Variants in BANK1 observed in about 807,000 individuals in gnomAD.
The protein encoded by BANK1 is B-cell scaffold protein with ankyrin repeats.
In BANK1, 95 loss-of-function variants were observed where a neutral mutation model predicts 94.5. The observed-to-expected ratio is 1.00, with a 90% CI of 0.85 to 1.19. The LOEUF is 1.19. BANK1 is among the 50% of genes most tolerant of loss of function. BANK1 has a pLI of 0.00. For missense variants in BANK1, 987 were observed against 932.2 expected (o/e 1.06, Z -0.77); for synonymous variants, 334 against 308.4 (o/e 1.08, Z -0.87).
intron 7 of BANK1, among the ~76,000 whole-genome samples, chr4:102,000,839 G>A (rs1019204515): frequency 6.6e-6 from 1 of 152,162 alleles, no homozygotes; most frequent in Non-Finnish European, 1.5e-5. Context: ...CAAATCGATT[G>A]GACTATAGGA....
In BANK1 at chr4:101,973,940, A is replaced by T. The variant is rs1352173; in HGVS notation, c.1207-47574A>T. Among the ~76,000 whole-genome samples, 714 of 152,178 alleles carry T rather than the reference A, an allele frequency of 4.7e-3. 13 individuals carry two copies. In the East Asian group the frequency reaches 0.057, roughly 12 times the overall value. On this transcript the variant is annotated intron_variant, in intron 7 of 16. Coordinates refer to ENST00000322953, the MANE Select transcript of BANK1 (RefSeq NM_017935.5). ...CAGACCAATGCTCTGTTAAAAAGTGATATTCCAATTATTATTAATCATTTA... is the reference window on the plus strand; with the variant it reads ...CAGACCAATGCTCTGTTAAAAAGTGTTATTCCAATTATTATTAATCATTTA...
intron 11 of BANK1, among the ~76,000 whole-genome samples, chr4:102,044,894 G>A (rs1727827756): frequency 7.9e-6 from 1 of 127,110 alleles, no homozygotes; most frequent in Non-Finnish European, 1.6e-5. Flanking sequence ...TTTTTTTCTT[G>A]TAAATTTGTT....
chr4:101,812,585 G>A lies in BANK1; in HGVS notation c.71-17223G>A, dbSNP rs569175258. Among the ~76,000 whole-genome samples, 9 of 151,910 alleles carry A rather than the reference G, an allele frequency of 5.9e-5. No homozygotes were observed. The South Asian group carries it at 1.5e-3, about 25-fold the overall frequency. On this transcript the variant is annotated intron_variant, in intron 1 of 16. Coordinates refer to ENST00000322953, the MANE Select transcript of BANK1 (RefSeq NM_017935.5). The stretch of plus-strand genomic sequence containing the variant: ...AGACATTTATATGATGTAGAGCTTC[G>A]GTTTTTGATGATACTATTCTATGCA...
chr4:101,905,370 G>A (rs958189988), intron 6 of BANK1, among the ~76,000 whole-genome samples: 2 of 152,198 alleles, frequency 1.3e-5, no homozygotes, highest in Non-Finnish European at 2.9e-5. Flanking sequence ...TTGCACGGGA[G>A]CGAGGGAATG....
At chr4:101,913,880 C>A (rs1345219673) in intron 6 of BANK1, among the ~76,000 whole-genome samples, 1 of 152,170 alleles carries the variant, frequency 6.6e-6, no homozygotes, top group Admixed American at 6.6e-5. Context: ...ATGACATGCT[C>A]CATTTATTTC....
At chr4:101,833,937 T>C (rs1726722527) in intron 2 of BANK1, among the ~76,000 whole-genome samples, 1 of 152,154 alleles carries the variant, frequency 6.6e-6, no homozygotes, top group African/African-American at 2.4e-5. Flanking sequence ...AGTGTTACAA[T>C]AGGAAAATTA....
At chr4:101,908,025 T>A (rs1722520027) in intron 6 of BANK1, among the ~76,000 whole-genome samples, 1 of 152,162 alleles carries the variant, frequency 6.6e-6, no homozygotes, top group Non-Finnish European at 1.5e-5. Context: ...AAGCTACCAA[T>A]GACTTTCTTC....
chr4:101,821,945 G>A (rs938690212), intron 1 of BANK1, among the ~76,000 whole-genome samples: 1 of 152,144 alleles, frequency 6.6e-6, no homozygotes, highest in Non-Finnish European at 1.5e-5. Flanking sequence ...GTAGGCATGG[G>A]AGCCTAGGTG....
In BANK1 at chr4:101,870,578, C is replaced by T; in HGVS notation, c.837C>T (p.Tyr279=). 6.2e-7 allele frequency: 1 copy of T among 1,612,900 alleles called. No homozygotes were observed. The highest frequency in any genetic ancestry group is 8.5e-7 in the Non-Finnish European group (1 of 1,179,262). ...GIVKATTKIK[Y]YPTAKAKECL... is the part of the protein sequence containing the mutation. ...TTAAAGCTACAACCAAAATTAAGTA[C>T]TACCCAACAGCAAAGGCAAAGGAAT... Residue 279 remains tyrosine (Y), a synonymous_variant, in exon 5 of 17, where the codon TAC becomes TAT. Coordinates refer to ENST00000322953, the MANE Select transcript of BANK1 (RefSeq NM_017935.5).
At chr4:102,073,205 C>G (rs1728813110) in intron 15 of BANK1, among the ~76,000 whole-genome samples, 1 of 150,846 alleles carries the variant, frequency 6.6e-6, no homozygotes, top group East Asian at 1.9e-4. Context: ...TCTTCTGTAG[C>G]CCACCACCAA....
intron 11 of BANK1, among the ~76,000 whole-genome samples, chr4:102,051,842 C>T (rs1401766922): frequency 2.0e-5 from 3 of 152,068 alleles, no homozygotes; most frequent in Admixed American, 1.3e-4. Context: ...TAAAGTAAAG[C>T]TCTAAAATGG....
intron 7 of BANK1, among the ~76,000 whole-genome samples, chr4:101,927,494 A>G (rs1406699030): frequency 6.6e-6 from 1 of 151,608 alleles, no homozygotes. Context: ...GGCAAGAAGG[A>G]CAGATAAGAC....
intron 7 of BANK1, among the ~76,000 whole-genome samples, chr4:101,975,920 C>T (rs945832375): frequency 3.3e-5 from 5 of 152,080 alleles, no homozygotes; most frequent in African/African-American, 1.2e-4. Context: ...TTTCTCTGTG[C>T]GAATTTCCGC....
intron 13 of BANK1, among the ~76,000 whole-genome samples, chr4:102,070,865 G>A (rs950438794): frequency 2.6e-5 from 4 of 152,156 alleles, no homozygotes; most frequent in Non-Finnish European, 5.9e-5. Context: ...AAGTTGGTGG[G>A]TACATGGCCA....
At chr4:101,908,725 C>T (rs1450905301) in intron 6 of BANK1, among the ~76,000 whole-genome samples, 1 of 152,124 alleles carries the variant, frequency 6.6e-6, no homozygotes, top group African/African-American at 2.4e-5. Flanking sequence ...AAACAAACAA[C>T]CCCATCAAAA....
intron 5 of BANK1, among the ~76,000 whole-genome samples, chr4:101,879,987 T>A (rs1446332768): frequency 1.3e-5 from 2 of 152,068 alleles, no homozygotes; most frequent in African/African-American, 4.8e-5. Context: ...ACTATCATAC[T>A]GAATGGGTAA....
intron 8 of BANK1, among the ~76,000 whole-genome samples, chr4:102,022,450 T>C (rs1726946335): frequency 6.6e-6 from 1 of 152,138 alleles, no homozygotes; most frequent in Non-Finnish European, 1.5e-5. Context: ...CTCTCCCCTT[T>C]CATTATCCTA....
chr4:101,978,582 A>T (rs73834535), intron 7 of BANK1, among the ~76,000 whole-genome samples: 1 of 152,116 alleles, frequency 6.6e-6, no homozygotes, highest in African/African-American at 2.4e-5. Flanking sequence ...TTCCAGATCT[A>T]TAGAGCTTTT....
chr4:101,833,587 C>T (rs1220072548), intron 2 of BANK1, among the ~76,000 whole-genome samples: 1 of 152,178 alleles, frequency 6.6e-6, no homozygotes, highest in East Asian at 1.9e-4. Context: ...AGTTTGCCGG[C>T]TCTTTTTTAA....
Sources: gnomAD v4.1 joint callset for allele counts (sites outside exome capture counted in the v4.1 genomes callset) on GRCh38, gnomAD v4.1.1 for gene constraint, MANE v1.5 for transcripts, NCBI Gene and HGNC (gene_info 2026-07-23, HGNC 2026-07-21) for gene names.